Variants in TRIO observed in about 807,000 individuals in gnomAD.
The protein encoded by TRIO is triple functional domain protein.
TRIO carries 58 observed loss-of-function variants against 351.9 expected under a neutral mutation model. That is an observed-to-expected ratio of 0.16 (90% confidence interval 0.13 to 0.21). The LOEUF (loss-of-function observed/expected upper bound fraction) is 0.21. Ranked by LOEUF, TRIO falls within the 10% of genes least tolerant of loss-of-function variation. The probability of loss-of-function intolerance (pLI) is 1.00; values close to 1 mark genes in which losing one functional copy is unlikely to be tolerated. For synonymous variants in TRIO, 1,758 were observed against 1,595.7 expected (o/e 1.10, Z -2.42); for missense variants, 3,201 against 4,027.8 (o/e 0.79, Z 5.56).
chr5:14,184,256 G>A (rs1561176236), intron 1 of TRIO, among the ~76,000 whole-genome samples: 1 of 152,108 alleles, frequency 6.6e-6, no homozygotes, highest in African/African-American at 2.4e-5. Context: ...TTTGAGAGCC[G>A]AAGGGAGCAC....
chr5:14,219,121 G>T (rs866480243), intron 1 of TRIO, among the ~76,000 whole-genome samples: 41 of 152,174 alleles, frequency 2.7e-4, no homozygotes, highest in African/African-American at 9.4e-4. Flanking sequence ...AGATGGAAAA[G>T]TACTACTAGA....
At chr5:14,422,089 G>A (rs1419726618) in intron 34 of TRIO, among the ~76,000 whole-genome samples, 1 of 152,192 alleles carries the variant, frequency 6.6e-6, no homozygotes, top group Non-Finnish European at 1.5e-5. Flanking sequence ...CCTCTTTTCA[G>A]TATAAGAGCT....
chr5:14,483,965 C>T (rs26100), intron 46 of TRIO, among the ~76,000 whole-genome samples: 13,946 of 152,138 alleles, frequency 0.092, 864 homozygotes, highest in Admixed American at 0.18. Context: ...CTGAGCCGCA[C>T]CCATCCCTTG....
At chr5:14,198,298 C>G (rs1383484715) in intron 1 of TRIO, among the ~76,000 whole-genome samples, 2 of 152,154 alleles carry the variant, frequency 1.3e-5, no homozygotes, top group Non-Finnish European at 2.9e-5. Flanking sequence ...ATTTCCCTCT[C>G]TCTGCTGTCT....
chr5:14,357,823 G>A (rs1743764106), intron 11 of TRIO, among the ~76,000 whole-genome samples: 1 of 152,240 alleles, frequency 6.6e-6, no homozygotes, highest in African/African-American at 2.4e-5. Flanking sequence ...TCTGCGAACT[G>A]AGGGTCTTTT....
intron 5 of TRIO, 150 bp from the exon 6 acceptor site, chr5:14,292,862 C>T (rs1481676323): frequency 4.5e-6 from 5 of 1,099,622 alleles, no homozygotes; most frequent in South Asian, 1.6e-5. Flanking sequence ...ACTTGTTCTT[C>T]GAAGTAAAGA....
chr5:14,489,016 C>T (rs925103496), intron 48 of TRIO: 3 of 765,280 alleles, frequency 3.9e-6, no homozygotes, highest in Non-Finnish European at 4.8e-6. Context: ...GTCCTACCCA[C>T]CTGTTTCCTA....
At position 14,481,227 on chromosome 5, in the gene TRIO, C is replaced by G. The variant is rs1334917467; in HGVS notation, c.6337-7C>G. The stretch of plus-strand genomic sequence containing the variant: ...CCATTATCATGTCCTCTCCATTTCC[C>G]TTGCAGGACTTCCTCAAGTATTCCA... On this transcript the variant is annotated splice_polypyrimidine_tract_variant and splice_region_variant and intron_variant, in intron 43 of 56. Coordinates refer to ENST00000344204, the MANE Select transcript of TRIO (RefSeq NM_007118.4). The G allele has an allele frequency of 1.2e-6, 2 of 1,613,302 alleles. No homozygotes were observed. Among genetic ancestry groups the G allele is most frequent in the Non-Finnish European group, 1.7e-6 (2 of 1,179,716 alleles).
chr5:14,334,803 C>T (rs146070643), intron 10 of TRIO, among the ~76,000 whole-genome samples: 5 of 152,300 alleles, frequency 3.3e-5, no homozygotes, highest in South Asian at 2.1e-4. Flanking sequence ...CCTGCAGGTG[C>T]GGCCTCTGAT....
rs569401859 is a variant in TRIO, at chr5:14,350,828, C to T, written c.2047-7350C>T. 3.3e-5 allele frequency among the ~76,000 whole-genome samples: 5 copies of T among 152,186 alleles called. No homozygotes were observed. In the South Asian group the frequency reaches 8.3e-4, roughly 25 times the overall value. On this transcript the variant is annotated intron_variant, in intron 11 of 56. Coordinates refer to ENST00000344204, the MANE Select transcript of TRIO (RefSeq NM_007118.4). ...TATTAAGGCGGCGGTCCCCAGGGAC[C>T]GGTTTTGTGGAAGACGATTTTTCCA...
intron 32 of TRIO, chr5:14,406,268 A>G (rs760964357): frequency 3.9e-5 from 22 of 566,614 alleles, no homozygotes; most frequent in Non-Finnish European, 6.3e-5. Context: ...TAACTCATGC[A>G]CATGACCTTG....
At position 14,372,926 on chromosome 5, in the gene TRIO, A is replaced by C. The variant is rs146051081; in HGVS notation, c.3217-1303A>C. 1.1e-4 allele frequency among the ~76,000 whole-genome samples: 17 copies of C among 152,324 alleles called. No homozygotes were observed. In the East Asian group the frequency reaches 3.3e-3, roughly 29 times the overall value. On this transcript the variant is annotated intron_variant, in intron 18 of 56. Coordinates refer to ENST00000344204, the MANE Select transcript of TRIO (RefSeq NM_007118.4). The stretch of plus-strand genomic sequence containing the variant: ...CTGAGAATGGGTAATTTATAAAAGA[A>C]AGAGGTTTAGTTGACTCACAGTTCC...
intron 11 of TRIO, among the ~76,000 whole-genome samples, chr5:14,343,089 CAAA>C (rs34378604): frequency 2.9e-3 from 388 of 135,522 alleles, no homozygotes; most frequent in Admixed American, 5.2e-3. Flanking sequence ...CAGAAAGTTG[CAAA>C]AAAAAAAAAA....
intron 1 of TRIO, among the ~76,000 whole-genome samples, chr5:14,196,513 C>T (rs541506411): frequency 6.6e-6 from 1 of 151,680 alleles, no homozygotes; most frequent in South Asian, 2.1e-4. Context: ...TTGCACCTGT[C>T]ATTTGAGAGC....
intron 1 of TRIO, among the ~76,000 whole-genome samples, chr5:14,200,150 T>C (rs1791016427): frequency 1.3e-5 from 2 of 152,096 alleles, no homozygotes; most frequent in South Asian, 2.1e-4. Context: ...AGGCATTATG[T>C]ACTAGGGGCT....
Position 14,297,140 on chromosome 5 carries a change from C to T in TRIO, c.1245C>T (p.Ala415=). 6.2e-7 allele frequency: 1 copy of T among 1,614,188 alleles called. No homozygotes were observed. The highest frequency in any genetic ancestry group is 8.5e-7 in the Non-Finnish European group (1 of 1,180,028). ...GTCTGGTGGAGTCTGGCCACTATGC[C>T]TCGCAGCAGATCAGGCAGATCGCGA... ...ANRLVESGHY[A]SQQIRQIASQ... The change falls in exon 7 of 57, where the codon GCC becomes GCT. Residue 415 remains alanine, a synonymous_variant. Coordinates refer to ENST00000344204, the MANE Select transcript of TRIO (RefSeq NM_007118.4).
At chr5:14,228,795 C>G (rs533334253) in intron 1 of TRIO, among the ~76,000 whole-genome samples, 1 of 151,902 alleles carries the variant, frequency 6.6e-6, no homozygotes, top group African/African-American at 2.4e-5. Context: ...CGCTTGAACC[C>G]GAGAGGCGGA....
In TRIO at chr5:14,497,468, G is replaced by A. The variant is rs79624448; in HGVS notation, c.8020-379G>A. 0.018 allele frequency among the ~76,000 whole-genome samples: 2,680 copies of A among 152,216 alleles called. 74 individuals are homozygous for A. Among genetic ancestry groups the A allele is most frequent in the African/African-American group, 0.057 (2,357 of 41,508 alleles). Reference sequence around the variant, plus strand: ...TTCAGTCAGCTTTAGTCCTATAATCGGATTGCCTGACACCTGCGGTGGGGG... The same window carrying A: ...TTCAGTCAGCTTTAGTCCTATAATCAGATTGCCTGACACCTGCGGTGGGGG... On this transcript the variant is annotated intron_variant, in intron 50 of 56. Transcript: ENST00000344204. The surrounding 1 kb of genome is among the most constrained non-coding windows in gnomAD (Gnocchi z 4.4).
chr5:14,372,883 T>C (rs1000908519), intron 18 of TRIO, among the ~76,000 whole-genome samples: 1 of 152,176 alleles, frequency 6.6e-6, no homozygotes, highest in Non-Finnish European at 1.5e-5. Flanking sequence ...TCCATTCTCA[T>C]GCGCTGTGAA....
Sources: gnomAD v4.1 joint callset for allele counts (sites outside exome capture counted in the v4.1 genomes callset) on GRCh38, gnomAD v4.1.1 for gene constraint, Gnocchi (gnomAD v3.1) non-coding constraint, MANE v1.5 for transcripts, NCBI Gene and HGNC (gene_info 2026-07-23, HGNC 2026-07-21) for gene names.